The following CACNA1D variants were observed in gnomAD, a reference collection of about 807,000 sequenced individuals.
CACNA1D encodes the protein calcium voltage-gated channel subunit alpha1 D, also known as voltage-dependent L-type calcium channel subunit alpha-1D.
CACNA1D carries 55 observed loss-of-function variants against 257.1 expected under a neutral mutation model. That is an observed-to-expected ratio of 0.21 (90% CI 0.17 to 0.27). The LOEUF (loss-of-function observed/expected upper bound fraction) is 0.27, where lower values mean the gene tolerates loss of function less well. Among genes scored for constraint, CACNA1D ranks in the 10% least tolerant of loss-of-function variants. The probability of loss-of-function intolerance (pLI) is 1.00; values close to 1 mark genes in which losing one functional copy is unlikely to be tolerated. For missense variants in CACNA1D, 1,876 were observed against 2,784.0 expected, an observed-to-expected ratio of 0.67 and a Z score of 7.34; for synonymous variants, 980 against 1,014.9, an observed-to-expected ratio of 0.97 and a Z score of 0.65.
In CACNA1D at chr3:53,739,427, G is replaced by A. The variant is rs148982129; in HGVS notation, c.2752-853G>A. Among the ~76,000 whole-genome samples, 91 of 152,320 alleles carry A rather than the reference G, an allele frequency of 6.0e-4. 1 individual carries two copies. In the East Asian group the frequency reaches 0.015, roughly 25 times the overall value. ...GAAGCTCCTGGTGAGCAGCTTTCCT[G>A]GTGGTCAGACTTCTTGCTGCTGGCC... On this transcript the variant is annotated intron_variant, in intron 20 of 47. Transcript: ENST00000350061.
rs563180194 is a variant in CACNA1D at position 53,812,450 on chromosome 3, A to G, written c.*1044A>G. On this transcript the variant is annotated 3_prime_UTR_variant, in exon 48 of 48. Coordinates refer to ENST00000350061, the MANE Select transcript of CACNA1D (RefSeq NM_001128840.3). ...TATTTTGAGTCACTATAAACCTATC[A>G]TCTTTCCACAAGATATACCAGATGA... 5.9e-5 allele frequency: 9 copies of G among 152,346 alleles called. No homozygotes were observed. Among genetic ancestry groups the G allele is most frequent in the African/African-American group, 1.4e-4 (6 of 41,572 alleles). The allele number at this position is 152,346 out of a possible 1,614,324, so 9.4% of individuals were successfully genotyped here.
chr3:53,739,061 C>A (rs1445986005), intron 20 of CACNA1D, among the ~76,000 whole-genome samples: 1 of 152,194 alleles, frequency 6.6e-6, no homozygotes, highest in East Asian at 1.9e-4. Context: ...AGTGAATACC[C>A]TCTGAAGAGA....
At chr3:53,553,934 C>G (rs986591939) in intron 3 of CACNA1D, among the ~76,000 whole-genome samples, 1 of 151,176 alleles carries the variant, frequency 6.6e-6, no homozygotes. Flanking sequence ...TGGTGGCTCA[C>G]ACCTGTAATC....
In CACNA1D at chr3:53,794,615, G is replaced by A. The variant is rs577842486; in HGVS notation, c.4924-5634G>A. Among the ~76,000 whole-genome samples the A allele has an allele frequency of 2.0e-5, 3 of 152,180 alleles. No individual in the cohort carries two copies. The East Asian group carries it at 5.8e-4, about 29-fold the overall frequency. ...GCAGTTATCAAACTTTTTGGTCTTC[G>A]GACCCTTTTATACTCTACATTATTG... On this transcript the variant is annotated intron_variant, in intron 40 of 47. Coordinates refer to ENST00000350061, the MANE Select transcript of CACNA1D (RefSeq NM_001128840.3).
chr3:53,726,759 A>G lies in CACNA1D; in HGVS notation c.2101-120A>G, dbSNP rs527963093. The G allele has an allele frequency of 1.9e-5, 21 of 1,130,852 alleles. No individual in the cohort carries two copies. In the East Asian group the frequency reaches 4.5e-4, roughly 24 times the overall value. The allele number at this position is 1,130,852 out of a possible 1,614,324, so 70.1% of individuals were successfully genotyped here. ...CATGGGATAACAGATGGATTTGTTCAGTGCAAACTGGACTGTGAAAGGCAG... is the reference window on the plus strand; with the variant it reads ...CATGGGATAACAGATGGATTTGTTCGGTGCAAACTGGACTGTGAAAGGCAG... On this transcript the variant is annotated intron_variant, in intron 14 of 47. Transcript: ENST00000350061.
chr3:53,758,314 G>C (rs2095279007), intron 29 of CACNA1D, among the ~76,000 whole-genome samples: 1 of 152,170 alleles, frequency 6.6e-6, no homozygotes, highest in African/African-American at 2.4e-5. Flanking sequence ...AAGAGATCTG[G>C]CTGCCATGAT....
chr3:53,785,303 GC>G (rs958814137), intron 39 of CACNA1D, among the ~76,000 whole-genome samples: 18 of 152,230 alleles, frequency 1.2e-4, no homozygotes, highest in Admixed American at 8.5e-4. Context: ...TACCTGGGTG[GC>G]CCCTACACCA....
At chr3:53,705,261 CA>C (rs1200236743) in intron 9 of CACNA1D, among the ~76,000 whole-genome samples, 1 of 152,034 alleles carries the variant, frequency 6.6e-6, no homozygotes, top group Non-Finnish European at 1.5e-5. Flanking sequence ...CCCTGGGCGG[CA>C]GAGGTTGGGG....
At chr3:53,706,067 C>T (rs537039120) in intron 9 of CACNA1D, among the ~76,000 whole-genome samples, 81 of 152,310 alleles carry the variant, frequency 5.3e-4, no homozygotes, top group African/African-American at 1.3e-3. Context: ...GATCACCCCA[C>T]GTGCCTTCCA....
At chr3:53,756,370 A>T (rs753818724) in intron 29 of CACNA1D, among the ~76,000 whole-genome samples, 1 of 152,210 alleles carries the variant, frequency 6.6e-6, no homozygotes, top group Non-Finnish European at 1.5e-5. Context: ...TGGGAAGTAG[A>T]CAGAGGGAGA....
At chr3:53,690,476 C>T (rs2094509049) in intron 8 of CACNA1D, among the ~76,000 whole-genome samples, 2 of 152,152 alleles carry the variant, frequency 1.3e-5, no homozygotes, top group Admixed American at 6.5e-5. Context: ...GTGGATCTCT[C>T]AGTCTCTGAG....
intron 3 of CACNA1D, among the ~76,000 whole-genome samples, chr3:53,560,868 ACTC>A (rs530880802): frequency 3.1e-4 from 47 of 152,112 alleles, no homozygotes; most frequent in Non-Finnish European, 6.5e-4. Context: ...CTGATCAACA[ACTC>A]CTCTTGATTG....
intron 5 of CACNA1D, among the ~76,000 whole-genome samples, chr3:53,662,248 C>T (rs945971626): frequency 2.0e-5 from 3 of 152,136 alleles, no homozygotes; most frequent in Admixed American, 6.5e-5. Context: ...AAATTTATTT[C>T]ACAAGGTGGT....
intron 3 of CACNA1D, among the ~76,000 whole-genome samples, chr3:53,626,163 G>A (rs769382395): frequency 4.2e-4 from 64 of 152,188 alleles, no homozygotes; most frequent in Non-Finnish European, 7.2e-4. Flanking sequence ...TCCGATTCTG[G>A]ACTCCCACTG....
intron 30 of CACNA1D, 83 bp from the exon 31 acceptor site, chr3:53,769,890 T>C (rs2095356951): frequency 9.1e-7 from 1 of 1,104,136 alleles, no homozygotes; most frequent in South Asian, 1.2e-5. Flanking sequence ...AACCACACAT[T>C]TTTTTAAAGG....
chr3:53,613,738 T>C (rs1422340821), intron 3 of CACNA1D, among the ~76,000 whole-genome samples: 3 of 151,970 alleles, frequency 2.0e-5, no homozygotes, highest in Non-Finnish European at 4.4e-5. Context: ...CAGCTTCTGC[T>C]TGGATTGAGA....
intron 7 of CACNA1D, 119 bp from the exon 8 acceptor site, chr3:53,672,904 G>C: frequency 1.5e-6 from 1 of 677,606 alleles, no homozygotes; most frequent in South Asian, 1.6e-5. Flanking sequence ...TGTTGTTTCT[G>C]ATTTAAATCT....
At chr3:53,580,987 A>G (rs575883887) in intron 3 of CACNA1D, among the ~76,000 whole-genome samples, 1 of 152,344 alleles carries the variant, frequency 6.6e-6, no homozygotes, top group East Asian at 1.9e-4. Context: ...ATCTGGACCC[A>G]AGTCCAGGTT....
intron 3 of CACNA1D, among the ~76,000 whole-genome samples, chr3:53,644,269 T>A (rs539896273): frequency 6.6e-6 from 1 of 152,252 alleles, no homozygotes; most frequent in Non-Finnish European, 1.5e-5. Flanking sequence ...GCGGAATGGC[T>A]AAATTAAACT....
Sources: allele counts gnomAD v4.1 joint callset (sites outside exome capture counted in the v4.1 genomes callset), GRCh38; gene constraint gnomAD v4.1.1; transcripts MANE v1.5; gene names NCBI Gene and HGNC (gene_info 2026-07-23, HGNC 2026-07-21).